Variants in ANKRD26 observed in about 807,000 individuals in gnomAD.
ANKRD26 encodes the protein ankyrin repeat domain-containing protein 26.
ANKRD26 carries 141 observed loss-of-function variants against 208.7 expected under a neutral mutation model. The observed-to-expected ratio is 0.68, with a 90% CI of 0.59 to 0.78. The LOEUF (loss-of-function observed/expected upper bound fraction) is 0.78, where lower values mean the gene tolerates loss of function less well. ANKRD26 is among the 30% of genes least tolerant of loss of function. The pLI, the probability that ANKRD26 is intolerant of heterozygous loss-of-function variation, is 0.00. For missense variants in ANKRD26, 1,889 were observed against 1,938.7 expected, an observed-to-expected ratio of 0.97 and a Z score of 0.48; for synonymous variants, 636 against 660.4, an observed-to-expected ratio of 0.96 and a Z score of 0.57.
At chr10:27,027,804 ACCACTACAATTTGGATTTACTTACC>A (rs1239776772) in intron 27 of ANKRD26, among the ~76,000 whole-genome samples, 1 of 152,226 alleles carries the variant, frequency 6.6e-6, no homozygotes, top group Non-Finnish European at 1.5e-5. Flanking sequence ...AGTGTGTGAA[ACCACTACAATTTGGATTTACTTACC>A]ATGGGTCAAC....
intron 3 of ANKRD26, among the ~76,000 whole-genome samples, chr10:26,983,949 A>G (rs2052346578): frequency 6.6e-6 from 1 of 152,190 alleles, no homozygotes; most frequent in South Asian, 2.1e-4. Flanking sequence ...GCCACTGGAA[A>G]TAGGCATGGT....
chr10:27,094,048 A>C (rs2056388449), intron 1 of ANKRD26, among the ~76,000 whole-genome samples: 1 of 152,044 alleles, frequency 6.6e-6, no homozygotes. Flanking sequence ...TGCTCTTGTG[A>C]TAGTGAGTTC....
chr10:27,029,804 T>C (rs993970385), intron 25 of ANKRD26, among the ~76,000 whole-genome samples: 2 of 152,174 alleles, frequency 1.3e-5, no homozygotes, highest in Non-Finnish European at 2.9e-5. Context: ...ATTATAAAAA[T>C]TAACATGATG....
In ANKRD26 at chr10:27,029,016, A is replaced by T. The variant is rs2053773706; in HGVS notation, c.3879-71T>A. ...AAAATACTGTGTAATTTCTTAGCAA[A>T]CACCTGAAGGCATAATTACATAAAT... On this transcript the variant is annotated intron_variant, in intron 26 of 33. Coordinates refer to ENST00000376087, the MANE Select transcript of ANKRD26 (RefSeq NM_014915.3). 3 of 1,247,982 alleles carry T rather than the reference A, an allele frequency of 2.4e-6. No homozygotes were observed. The South Asian group carries it at 4.1e-5, about 17-fold the overall frequency. The allele number at this position is 1,247,982 out of a possible 1,614,324, so 77.3% of individuals were successfully genotyped here. A position where few individuals can be genotyped will look rare whatever the true frequency, so the allele number is the denominator to read the frequency against.
chr10:27,086,768 G>T (rs201125906), intron 4 of ANKRD26, among the ~76,000 whole-genome samples, 159 bp from the exon 5 acceptor site: 5,456 of 97,148 alleles, frequency 0.056, 160 homozygotes, highest in African/African-American at 0.084. Flanking sequence ...AAACTTTTTT[G>T]TTTTTTTTTT....
rs1049457907 is a variant in ANKRD26 at position 27,061,247 on chromosome 10, G to A, written c.1364-5C>T. 2.6e-6 allele frequency: 4 copies of A among 1,548,784 alleles called. No homozygotes were observed. The highest frequency in any genetic ancestry group is 3.6e-6 in the Non-Finnish European group (4 of 1,122,944). On this transcript the variant is annotated splice_region_variant and splice_polypyrimidine_tract_variant and intron_variant, in intron 12 of 33. Transcript: ENST00000376087. ...AAGAAGGTATATAAAACACATCTAA[G>A]AAATAATACATAATAAGCTTTCAAT...
At position 27,100,360 on chromosome 10, in the gene ANKRD26, G is replaced by T; in HGVS notation, c.-34C>A. The T allele has an allele frequency of 6.2e-7, 1 of 1,602,820 alleles. No homozygotes were observed. The highest frequency in any genetic ancestry group is 1.1e-5 in the South Asian group (1 of 90,686). ...CGACCGGGCTTCAGAGACACCTCATGTCTCTCTCGGCTCTTAACGGCCTCC... is the reference window on the plus strand; with the variant it reads ...CGACCGGGCTTCAGAGACACCTCATTTCTCTCTCGGCTCTTAACGGCCTCC... On this transcript the variant is annotated 5_prime_UTR_variant, in exon 1 of 34. Transcript: ENST00000376087.
At chr10:27,072,819 C>T (rs1353121835) in intron 9 of ANKRD26, among the ~76,000 whole-genome samples, 1 of 152,240 alleles carries the variant, frequency 6.6e-6, no homozygotes, top group Non-Finnish European at 1.5e-5. Flanking sequence ...ATTAATACTA[C>T]AGCTGGCATT....
chr10:26,978,336 G>C (rs193191283), intron 5 of ANKRD26, among the ~76,000 whole-genome samples: 182 of 152,174 alleles, frequency 1.2e-3, no homozygotes, highest in Non-Finnish European at 2.3e-3. Context: ...CGTGCCTGTA[G>C]TGCCAGCTAC....
chr10:27,051,113 C>G (rs1428317138), intron 16 of ANKRD26: 2 of 1,288,252 alleles, frequency 1.6e-6, no homozygotes, highest in Admixed American at 2.3e-5. Context: ...CTACTTTTAA[C>G]ATGCCTATCT....
the ANKRD26 span, among the ~76,000 whole-genome samples, chr10:26,961,554 G>C: frequency 1.1e-3 from 172 of 152,210 alleles, no homozygotes; most frequent in Admixed American, 2.0e-3. Flanking sequence ...GTATAAACTG[G>C]GGAGTATTGG....
chr10:26,971,902 C>T (rs977965887), downstream of ANKRD26, among the ~76,000 whole-genome samples: 1 of 152,082 alleles, frequency 6.6e-6, no homozygotes, highest in African/African-American at 2.4e-5. Context: ...CTTCCATAAG[C>T]ACTTGCCAGA....
the ANKRD26 span, among the ~76,000 whole-genome samples, chr10:26,964,205 G>A: frequency 6.6e-6 from 1 of 151,956 alleles, no homozygotes; most frequent in African/African-American, 2.4e-5. Flanking sequence ...CACCATGCCT[G>A]GCCTGTTGTA....
At chr10:26,952,604 A>G in the ANKRD26 span, among the ~76,000 whole-genome samples, 1 of 152,308 alleles carries the variant, frequency 6.6e-6, no homozygotes, top group Non-Finnish European at 1.5e-5. Flanking sequence ...GCACACCAGC[A>G]TAGGCGACAA....
At chr10:27,043,600 C>A (rs929940655) in intron 19 of ANKRD26, 33 bp from the exon 20 acceptor site, 2 of 1,594,120 alleles carry the variant, frequency 1.3e-6, no homozygotes, top group African/African-American at 2.7e-5. Flanking sequence ...TCAAAATGTC[C>A]CCAGAATATT....
At chr10:26,994,743 C>T (rs1225923340) in intron 5 of ANKRD26, among the ~76,000 whole-genome samples, 1 of 152,176 alleles carries the variant, frequency 6.6e-6, no homozygotes, top group African/African-American at 2.4e-5. Flanking sequence ...AGCTCTGATG[C>T]TTGTTGGTCA....
At chr10:26,957,504 T>C in the ANKRD26 span, among the ~76,000 whole-genome samples, 1 of 152,210 alleles carries the variant, frequency 6.6e-6, no homozygotes, top group African/African-American at 2.4e-5. Flanking sequence ...AGATTCCTTG[T>C]AGGTGTTATA....
At chr10:27,052,100 A>G in intron 16 of ANKRD26, 1 of 985,350 alleles carries the variant, frequency 1.0e-6, no homozygotes, top group South Asian at 4.7e-5. Flanking sequence ...TTTGTTTTTC[A>G]GATGTCTTTT....
At chr10:27,057,807 C>T (rs958578907) in intron 15 of ANKRD26, among the ~76,000 whole-genome samples, 8 of 151,910 alleles carry the variant, frequency 5.3e-5, no homozygotes, top group Non-Finnish European at 8.8e-5. Flanking sequence ...CTTGTTGGCG[C>T]GCGCCTGTAG....
Sources: allele counts gnomAD v4.1 joint callset (sites outside exome capture counted in the v4.1 genomes callset), GRCh38; gene constraint gnomAD v4.1.1; transcripts MANE v1.5; gene names NCBI Gene and HGNC (gene_info 2026-07-23, HGNC 2026-07-21).